TMCO5A: variants seen among roughly 807,000 people sequenced by gnomAD.
TMCO5A encodes transmembrane and coiled-coil domains 5A.
In TMCO5A, 34 loss-of-function variants were observed where a neutral mutation model predicts 42.3. The observed-to-expected ratio is 0.80, with a 90% CI of 0.61 to 1.07. The LOEUF is 1.07. Among genes scored for constraint, TMCO5A ranks in the 50% least tolerant of loss-of-function variants. TMCO5A has a pLI of 0.00. For missense variants in TMCO5A, 357 were observed against 327.9 expected, an observed-to-expected ratio of 1.09 and a Z score of -0.69; for synonymous variants, 131 against 115.6, an observed-to-expected ratio of 1.13 and a Z score of -0.86.
chr15:38,036,504 A>T, the TMCO5A span, among the ~76,000 whole-genome samples: 22 of 148,568 alleles, frequency 1.5e-4, no homozygotes, highest in South Asian at 8.5e-4. Flanking sequence ...TCTCACACAC[A>T]CACACACACA....
the TMCO5A span, among the ~76,000 whole-genome samples, chr15:37,980,357 G>C: frequency 2.0e-5 from 3 of 152,182 alleles, no homozygotes; most frequent in African/African-American, 7.2e-5. Context: ...ACGTGTGCCT[G>C]AGTGGTGGCT....
At chr15:37,977,851 G>A in the TMCO5A span, among the ~76,000 whole-genome samples, 4 of 152,224 alleles carry the variant, frequency 2.6e-5, no homozygotes, top group African/African-American at 9.6e-5. Context: ...AGACTGGCCT[G>A]GAGTGGGGCA....
At chr15:37,962,454 G>A (rs1890453652) in intron 11 of TMCO5A, among the ~76,000 whole-genome samples, 1 of 152,036 alleles carries the variant, frequency 6.6e-6, no homozygotes, top group Non-Finnish European at 1.5e-5. Flanking sequence ...ATTTTGTTAA[G>A]GATTTTAGTA....
the TMCO5A span, among the ~76,000 whole-genome samples, chr15:37,988,590 C>A: frequency 6.6e-6 from 1 of 151,884 alleles, no homozygotes; most frequent in Non-Finnish European, 1.5e-5. Context: ...AAGGCCCTTT[C>A]TGCATCAATT....
chr15:37,937,501 G>T, intron 5 of TMCO5A, 105 bp downstream of exon 5: 3 of 1,215,184 alleles, frequency 2.5e-6, no homozygotes, highest in Non-Finnish European at 3.6e-6. Flanking sequence ...AAGTCAGAGA[G>T]GCCTGTATGT....
the TMCO5A span, among the ~76,000 whole-genome samples, chr15:37,994,388 T>C: frequency 6.6e-6 from 1 of 152,220 alleles, no homozygotes; most frequent in African/African-American, 2.4e-5. Flanking sequence ...AAGGCTCACA[T>C]ATTCCCTGAG....
chr15:37,965,320 A>G (rs546330965), intron 11 of TMCO5A, among the ~76,000 whole-genome samples: 14 of 152,162 alleles, frequency 9.2e-5, no homozygotes, highest in Non-Finnish European at 1.6e-4. Context: ...GCACAAGAAA[A>G]CATCAGAGAA....
At chr15:37,962,181 T>A (rs1490807135) in intron 11 of TMCO5A, among the ~76,000 whole-genome samples, 1 of 152,176 alleles carries the variant, frequency 6.6e-6, no homozygotes, top group Non-Finnish European at 1.5e-5. Flanking sequence ...TGATTTGTCA[T>A]AGATGGCTTT....
At chr15:37,977,594 C>T in the TMCO5A span, among the ~76,000 whole-genome samples, 26 of 152,220 alleles carry the variant, frequency 1.7e-4, no homozygotes, top group South Asian at 6.2e-4. Flanking sequence ...CTTGTGTTTG[C>T]AGCCATGCTC....
At chr15:37,984,023 T>A in the TMCO5A span, among the ~76,000 whole-genome samples, 1 of 152,164 alleles carries the variant, frequency 6.6e-6, no homozygotes, top group African/African-American at 2.4e-5. Flanking sequence ...TACACTTATG[T>A]CTTCTGAGGT....
At chr15:37,971,650 G>A (rs1275073813), downstream of TMCO5A, among the ~76,000 whole-genome samples, 1 of 152,112 alleles carries the variant, frequency 6.6e-6, no homozygotes, top group Admixed American at 6.6e-5. Flanking sequence ...CAGCACCCAA[G>A]TCATATCTTT....
chr15:37,951,006 G>A, intron 11 of TMCO5A, 30 bp from the exon 12 acceptor site: 2 of 1,598,118 alleles, frequency 1.3e-6, no homozygotes, highest in Non-Finnish European at 1.7e-6. Flanking sequence ...TAAGCTTCTG[G>A]TTAACAGTTT....
the TMCO5A span, among the ~76,000 whole-genome samples, chr15:38,015,886 T>G: frequency 6.6e-6 from 1 of 152,158 alleles, no homozygotes; most frequent in Non-Finnish European, 1.5e-5. Context: ...AAAGCATCAG[T>G]GGCTGCCCAG....
intron 9 of TMCO5A, chr15:37,942,524 TAA>T (rs1239919251): frequency 3.1e-6 from 1 of 326,162 alleles, no homozygotes; most frequent in East Asian, 4.9e-5. Flanking sequence ...GGGTTGATAT[TAA>T]GAGTAAAAAC....
chr15:37,944,113 C>G (rs1299592641), intron 10 of TMCO5A: 2 of 152,026 alleles, frequency 1.3e-5, no homozygotes, highest in Non-Finnish European at 2.9e-5. Context: ...AAGATAAATA[C>G]TTAGAAAAGA....
At chr15:37,939,816 T>G (rs1889669503) in intron 6 of TMCO5A, among the ~76,000 whole-genome samples, 1 of 152,070 alleles carries the variant, frequency 6.6e-6, no homozygotes, top group Admixed American at 6.6e-5. Flanking sequence ...ACTCACACCA[T>G]TGGCTTGAAA....
At chr15:38,001,675 T>A in the TMCO5A span, among the ~76,000 whole-genome samples, 1 of 151,976 alleles carries the variant, frequency 6.6e-6, no homozygotes, top group Non-Finnish European at 1.5e-5. Context: ...TGTTGCATGT[T>A]TTTTGATTTG....
the TMCO5A span, among the ~76,000 whole-genome samples, chr15:37,973,157 C>CTTTTTTTTTTTTTTTTTTTTT: frequency 7.1e-6 from 1 of 139,898 alleles, no homozygotes; most frequent in African/African-American, 2.6e-5. Context: ...TCTTTTTTTC[C>CTTTTTTTTTTTTTTTTTTTTT]TTTTTTTTTT....
chr15:38,028,181 G>T, the TMCO5A span, among the ~76,000 whole-genome samples: 1 of 150,898 alleles, frequency 6.6e-6, no homozygotes, highest in Non-Finnish European at 1.5e-5. Flanking sequence ...GTAAATAGAT[G>T]AAGTCACTTA....
Sources: gnomAD v4.1 joint callset for allele counts (sites outside exome capture counted in the v4.1 genomes callset) on GRCh38, gnomAD v4.1.1 for gene constraint, MANE v1.5 for transcripts, NCBI Gene and HGNC (gene_info 2026-07-23, HGNC 2026-07-21) for gene names.